Variants in ACTR2 observed in about 807,000 individuals in gnomAD.
ACTR2 encodes actin related protein 2, also known as actin-related protein 2.
Under a neutral mutation model 50.2 loss-of-function variants are expected in ACTR2, and 5 were observed. The observed-to-expected ratio is 0.10, with a 90% CI of 0.05 to 0.21. The LOEUF (loss-of-function observed/expected upper bound fraction) is 0.21. Ranked by LOEUF, ACTR2 falls within the 10% of genes least tolerant of loss-of-function variation. ACTR2 has a pLI of 1.00. For synonymous variants in ACTR2, 140 were observed against 162.9 expected (o/e 0.86, Z 1.07); for missense variants, 180 against 480.6 (o/e 0.37, Z 5.85).
Position 65,265,125 on chromosome 2 carries a change from A to C in ACTR2, c.964A>C (p.Lys322Gln). The C allele has an allele frequency of 6.2e-7, 1 of 1,614,210 alleles. No homozygotes were observed. Among genetic ancestry groups the C allele is most frequent in the Non-Finnish European group, 8.5e-7 (1 of 1,180,028 alleles). ...GLPSRLEREL[K>Q]QLYLERVLKG... is the part of the protein sequence containing the mutation. ...GCCATCACGGTTGGAACGAGAACTT[A>C]AACAGCTTTACTTAGAACGAGTTTT... Residue 322 changes from lysine to glutamine, a missense_variant, in exon 8 of 9, where the codon AAA becomes CAA. By Grantham distance (53) the Lys-to-Gln change is moderately conservative. Coordinates refer to ENST00000260641, the MANE Select transcript of ACTR2 (RefSeq NM_005722.4).
chr2:65,231,660 A>T (rs1573145261), intron 1 of ACTR2, among the ~76,000 whole-genome samples: 1 of 152,088 alleles, frequency 6.6e-6, no homozygotes, highest in East Asian at 1.9e-4. Flanking sequence ...GTATAACAAG[A>T]CCCCATATCT....
intron 2 of ACTR2, among the ~76,000 whole-genome samples, chr2:65,242,291 A>G (rs1671853225): frequency 6.6e-6 from 1 of 152,202 alleles, no homozygotes. Flanking sequence ...AATTACTAAC[A>G]TAGTTTTGAA....
intron 8 of ACTR2, among the ~76,000 whole-genome samples, chr2:65,266,380 G>A (rs1279310901): frequency 9.2e-5 from 14 of 152,144 alleles, no homozygotes; most frequent in Admixed American, 9.2e-4. Context: ...GAATCTTCCA[G>A]GCAGGAAAAA....
At chr2:65,229,964 A>G (rs1016786702) in intron 1 of ACTR2, among the ~76,000 whole-genome samples, 1 of 152,190 alleles carries the variant, frequency 6.6e-6, no homozygotes. Flanking sequence ...GGAGGGATAC[A>G]TAAGAAATGT....
At chr2:65,264,754 G>A (rs919506056) in intron 7 of ACTR2, among the ~76,000 whole-genome samples, 10 of 152,196 alleles carry the variant, frequency 6.6e-5, no homozygotes, top group African/African-American at 2.4e-4. Context: ...AAAATAGTTT[G>A]TAATGTAAAT....
chr2:65,246,827 G>A, intron 3 of ACTR2, 88 bp downstream of exon 3: 2 of 952,898 alleles, frequency 2.1e-6, no homozygotes, highest in Non-Finnish European at 3.2e-6. Context: ...TGGATAAAGA[G>A]AATAAAAATA....
rs146325644 is a variant in ACTR2 at position 65,262,486 on chromosome 2, C to T, written c.881+1094C>T. 4.2e-3 allele frequency among the ~76,000 whole-genome samples: 641 copies of T among 151,828 alleles called. 5 individuals are homozygous for T. The highest frequency in any genetic ancestry group is 0.015 in the African/African-American group (616 of 41,406). ...GAACTCCTGGCCTCAAGTGATCCAC[C>T]CCACCTCAGCCTACCAAAGTGCTGA... On this transcript the variant is annotated intron_variant, in intron 7 of 8. Transcript: ENST00000260641.
intron 1 of ACTR2, among the ~76,000 whole-genome samples, chr2:65,230,316 T>A (rs1671610725): frequency 6.6e-6 from 1 of 152,138 alleles, no homozygotes; most frequent in South Asian, 2.1e-4. Context: ...ATGAATTCTT[T>A]TAGGGGTTCA....
Position 65,235,723 on chromosome 2 carries a change from C to T in ACTR2, c.49-4129C>T, listed in dbSNP as rs151163409. On this transcript the variant is annotated intron_variant, in intron 1 of 8. Transcript: ENST00000260641. ...TGAGCCGAGATCACGCCACTGCACT[C>T]CAGCCTGGATGACCGAGTGAGACTC... 5.2e-3 allele frequency among the ~76,000 whole-genome samples: 791 copies of T among 152,144 alleles called. 9 individuals are homozygous for T. The highest frequency in any genetic ancestry group is 0.018 in the African/African-American group (752 of 41,496).
intron 1 of ACTR2, among the ~76,000 whole-genome samples, chr2:65,237,975 C>CA (rs1339373361): frequency 6.6e-6 from 1 of 151,952 alleles, no homozygotes; most frequent in African/African-American, 2.4e-5. Context: ...GCCTGGGCGA[C>CA]AGAGTGAGAC....
rs1672429738 is a variant in ACTR2, at chr2:65,268,624, G to T, written c.1075G>T (p.Ala359Ser). ...AAAGCACATGGTATTCCTGGGTGGTGCAGTTCTAGCGGATATCATGAAAGA... is the reference window on the plus strand; with the variant it reads ...AAAGCACATGGTATTCCTGGGTGGTTCAGTTCTAGCGGATATCATGAAAGA... ...RRKHMVFLGG[A>S]VLADIMKDKD... Residue 359 changes from alanine (A) to serine (S), a missense_variant, in exon 9 of 9, where the codon GCA (alanine) becomes TCA (serine). Ala to Ser is a moderately conservative substitution (Grantham distance 99). Coordinates refer to ENST00000260641, the MANE Select transcript of ACTR2 (RefSeq NM_005722.4). The T allele has an allele frequency of 1.2e-6, 2 of 1,614,026 alleles. No individual in the cohort carries two copies. The highest frequency in any genetic ancestry group is 2.7e-5 in the African/African-American group (2 of 74,908).
chr2:65,261,457 A>G (rs1672266153), intron 7 of ACTR2, 65 bp downstream of exon 7: 2 of 1,423,296 alleles, frequency 1.4e-6, no homozygotes, highest in Admixed American at 2.1e-5. Context: ...TTTTAAAGTT[A>G]TTTATCAGAA....
chr2:65,236,398 A>G (rs950562616), intron 1 of ACTR2, among the ~76,000 whole-genome samples: 1 of 152,044 alleles, frequency 6.6e-6, no homozygotes, highest in African/African-American at 2.4e-5. Context: ...ATTTATAATT[A>G]AATGTGGTTC....
chr2:65,233,019 G>T (rs1371764956), intron 1 of ACTR2, among the ~76,000 whole-genome samples: 2 of 147,236 alleles, frequency 1.4e-5, no homozygotes, highest in African/African-American at 5.0e-5. Flanking sequence ...TTTTTAGACA[G>T]AGTCTTGCTC....
chr2:65,266,566 G>T (rs909834781), intron 8 of ACTR2, among the ~76,000 whole-genome samples: 1 of 152,052 alleles, frequency 6.6e-6, no homozygotes, highest in African/African-American at 2.4e-5. Flanking sequence ...TGTGGGGGCG[G>T]TTTAAGCAGA....
intron 7 of ACTR2, among the ~76,000 whole-genome samples, chr2:65,264,254 A>G (rs975307963): frequency 6.6e-6 from 1 of 152,132 alleles, no homozygotes; most frequent in African/African-American, 2.4e-5. Flanking sequence ...CTGTATTTCA[A>G]CTGCTTAGTT....
chr2:65,251,409 C>T (rs940924642), intron 4 of ACTR2, among the ~76,000 whole-genome samples: 4 of 152,156 alleles, frequency 2.6e-5, no homozygotes, highest in South Asian at 2.1e-4. Context: ...TTGCCCAGGC[C>T]GGAGTGCAAT....
chr2:65,230,096 A>G (rs1033179398), intron 1 of ACTR2, among the ~76,000 whole-genome samples: 5 of 152,250 alleles, frequency 3.3e-5, no homozygotes, highest in East Asian at 1.9e-4. Flanking sequence ...TTATTAAACT[A>G]TATTTAAACT....
chr2:65,251,590 A>T (rs1292530842), intron 4 of ACTR2, among the ~76,000 whole-genome samples: 1 of 151,882 alleles, frequency 6.6e-6, no homozygotes, highest in African/African-American at 2.4e-5. Flanking sequence ...CAAACTCCTG[A>T]CCTCAGGTAG....
Sources: allele counts gnomAD v4.1 joint callset (sites outside exome capture counted in the v4.1 genomes callset), GRCh38; gene constraint gnomAD v4.1.1; transcripts MANE v1.5; gene names NCBI Gene and HGNC (gene_info 2026-07-23, HGNC 2026-07-21).